Variants in KIF18B observed in about 807,000 individuals in gnomAD.
KIF18B encodes the protein kinesin family member 18B.
A neutral mutation model predicts 80.9 loss-of-function variants in KIF18B; 49 were observed. That is an observed-to-expected ratio of 0.61 (90% CI 0.48 to 0.77). KIF18B has a LOEUF of 0.77. Ranked by LOEUF, KIF18B falls within the 30% of genes least tolerant of loss-of-function variation. The pLI, the probability that KIF18B is intolerant of heterozygous loss-of-function variation, is 0.00. For synonymous variants in KIF18B, 439 were observed against 463.9 expected (o/e 0.95, Z 0.69); for missense variants, 994 against 1,127.7 (o/e 0.88, Z 1.70).
intron 9 of KIF18B, 198 bp from the exon 10 acceptor site, chr17:44,932,404 C>G: frequency 1.6e-6 from 1 of 624,190 alleles, no homozygotes; most frequent in East Asian, 2.8e-5. Flanking sequence ...CAGGGATTTT[C>G]TGGTTTGAGA....
In KIF18B at chr17:44,935,354, G is replaced by C; in HGVS notation, c.376C>G (p.Pro126Ala). Residue 126 changes from proline to alanine, a missense_variant, in exon 3 of 16, where the codon CCC becomes GCC. By Grantham distance (27) the Pro-to-Ala change is conservative. Transcript: ENST00000593135. ...ACGGTGGTCAGGTACATGATGCCGG[G>C]GTCCCCCTCCCTTCCCAGCATGGTG... ...THTMLGREGD[P>A]GIMYLTTVEL... The C allele has an allele frequency of 6.2e-7, 1 of 1,613,072 alleles. No homozygotes were observed. The highest frequency in any genetic ancestry group is 8.5e-7 in the Non-Finnish European group (1 of 1,179,424).
At chr17:44,933,813 G>C (rs1307997138) in intron 7 of KIF18B, 110 bp downstream of exon 7, 2 of 1,098,904 alleles carry the variant, frequency 1.8e-6, no homozygotes, top group African/African-American at 1.6e-5. Flanking sequence ...TCCTTCCTCT[G>C]CCTTGGGGAC....
At chr17:44,930,148 C>T (rs549569061) in intron 11 of KIF18B, among the ~76,000 whole-genome samples, 1 of 152,272 alleles carries the variant, frequency 6.6e-6, no homozygotes, top group African/African-American at 2.4e-5. Flanking sequence ...AAAATGGACA[C>T]AGAGGAAACT....
chr17:44,927,100 G>A lies in KIF18B; in HGVS notation c.2277-22C>T. 1 of 1,579,988 alleles carries A rather than the reference G, an allele frequency of 6.3e-7. No individual in the cohort carries two copies. Among genetic ancestry groups the A allele is most frequent in the Non-Finnish European group, 8.6e-7 (1 of 1,158,148 alleles). ...TGCCCTGGGGAGGGAGGACAGGGAA[G>A]GAGGCTGATCAGCAGGGAACCGGAA... On this transcript the variant is annotated intron_variant, in intron 13 of 15. Coordinates refer to ENST00000593135, the MANE Select transcript of KIF18B (RefSeq NM_001265577.2). This position sits in a 1 kb window ranked among gnomAD's most constrained non-coding sequence, Gnocchi z 4.1.
At position 44,925,937 on chromosome 17, in the gene KIF18B, C is replaced by T. The variant is rs986059809; in HGVS notation, c.*143G>A. On this transcript the variant is annotated 3_prime_UTR_variant, in exon 16 of 16. Transcript: ENST00000593135. Reference sequence around the variant, plus strand: ...GGATGTCTGGGGAGGGATGTTAATACAGCAAAGGTGTGTTGGCACTAATTG... The same window carrying T: ...GGATGTCTGGGGAGGGATGTTAATATAGCAAAGGTGTGTTGGCACTAATTG... 3 of 759,476 alleles carry T rather than the reference C, an allele frequency of 4.0e-6. No individual in the cohort carries two copies. The highest frequency in any genetic ancestry group is 2.3e-5 in the Admixed American group (1 of 42,922). 47.0% of individuals were successfully genotyped at this position (759,476 alleles called of 1,614,324 possible).
chr17:44,930,649 A>C (rs2052125775), intron 11 of KIF18B, among the ~76,000 whole-genome samples: 1 of 152,194 alleles, frequency 6.6e-6, no homozygotes, highest in Admixed American at 6.5e-5. Context: ...TCCCCAGTCA[A>C]GGCCAAGGTT....
rs373457511 is a variant in KIF18B at position 44,928,906 on chromosome 17, C to T, written c.1636G>A (p.Glu546Lys). ...GCCTCTGCCCCAGGCTCAATTTTTTCCTCTTGCACCAGCTGCTGTAGGGTC... is the reference window on the plus strand; with the variant it reads ...GCCTCTGCCCCAGGCTCAATTTTTTTCTCTTGCACCAGCTGCTGTAGGGTC... ...FETLQQLVQE[E>K]KIEPGAEALR... The change falls in exon 12 of 16, where the codon GAA (glutamate) becomes AAA (lysine). Residue 546 changes from glutamate to lysine, a missense_variant. By Grantham distance (56) the Glu-to-Lys change is moderately conservative. Coordinates refer to ENST00000593135, the MANE Select transcript of KIF18B (RefSeq NM_001265577.2). The T allele has an allele frequency of 6.2e-7, 1 of 1,613,952 alleles. No individual in the cohort carries two copies. Among genetic ancestry groups the T allele is most frequent in the East Asian group, 2.2e-5 (1 of 44,878 alleles).
At chr17:44,937,448 C>T (rs1432932946) in intron 1 of KIF18B, among the ~76,000 whole-genome samples, 4 of 152,056 alleles carry the variant, frequency 2.6e-5, no homozygotes, top group Admixed American at 2.6e-4. Flanking sequence ...AGTTTTCTAT[C>T]TCTTCAGTTA....
At position 44,935,410 on chromosome 17, in the gene KIF18B, G is replaced by A; in HGVS notation, c.320C>T (p.Ala107Val). The A allele has an allele frequency of 6.2e-7, 1 of 1,607,884 alleles. No individual in the cohort carries two copies. Among genetic ancestry groups the A allele is most frequent in the Non-Finnish European group, 8.5e-7 (1 of 1,176,676 alleles). The change falls in exon 3 of 16, where the codon GCC (alanine) becomes GTC (valine). Residue 107 changes from alanine (A) to valine (V), a missense_variant. Coordinates refer to ENST00000593135, the MANE Select transcript of KIF18B (RefSeq NM_001265577.2). ...CTTCCCAGCCCCGGTGGCCCCGTAGGCAAACACTGCAGAGGACATAGTAAG... is the reference window on the plus strand; with the variant it reads ...CTTCCCAGCCCCGGTGGCCCCGTAGACAAACACTGCAGAGGACATAGTAAG... ...FLQGYNCSVF[A>V]YGATGAGKTH...
chr17:44,945,236 T>A (rs1171117716), intron 1 of KIF18B, among the ~76,000 whole-genome samples: 1 of 152,178 alleles, frequency 6.6e-6, no homozygotes, highest in African/African-American at 2.4e-5. Context: ...AATTTTAAAT[T>A]TTTTTATAGA....
At chr17:44,936,618 ATATATATTTTTTTTTTTTTTTTTTTTTT>A (rs1387972258) in intron 1 of KIF18B, among the ~76,000 whole-genome samples, 17 of 72,756 alleles carry the variant, frequency 2.3e-4, no homozygotes, top group Admixed American at 3.7e-4. Flanking sequence ...ATATATATAT[ATATATATTTTTTTTTTTTTTTTTTTTTT>A]TTTTTTTTTT....
intron 11 of KIF18B, 127 bp downstream of exon 11, chr17:44,931,475 A>G (rs1334032503): frequency 7.3e-6 from 9 of 1,234,400 alleles, no homozygotes; most frequent in South Asian, 1.2e-5. Context: ...AGGTGAAACC[A>G]GGTAAAGGAC....
In KIF18B at chr17:44,928,509, C is replaced by T; in HGVS notation, c.1793G>A (p.Arg598Lys). The T allele has an allele frequency of 2.0e-6, 3 of 1,491,920 alleles. No individual in the cohort carries two copies. Among genetic ancestry groups the T allele is most frequent in the African/African-American group, 1.4e-5 (1 of 71,638 alleles). 92.4% of individuals were successfully genotyped at this position (1,491,920 alleles called of 1,614,324 possible). ...GGTGTGCAGGGGGCCACTCAGTCGC[C>T]TCGCCATAGTCCGGGTCACAGGGCC... ...YTGPVTRTMA[R>K]RLSGPLHTLG... The change falls in exon 13 of 16, where the codon AGG (arginine) becomes AAG (lysine). Residue 598 changes from arginine (R) to lysine (K), a missense_variant. Physicochemically the swap from Arg to Lys is conservative, Grantham distance 26 (BLOSUM62 2). Coordinates refer to ENST00000593135, the MANE Select transcript of KIF18B (RefSeq NM_001265577.2).
At chr17:44,932,274 A>T (rs1340687185) in intron 9 of KIF18B, 68 bp from the exon 10 acceptor site, 1 of 1,506,164 alleles carries the variant, frequency 6.6e-7, no homozygotes, top group Non-Finnish European at 8.9e-7. Context: ...GAGAGGCAGG[A>T]TGTGGGCCAG....
chr17:44,931,513 T>C, intron 11 of KIF18B, 89 bp downstream of exon 11: 1 of 1,557,526 alleles, frequency 6.4e-7, no homozygotes. Context: ...AGGGCTTTTG[T>C]GATGTGCTTA....
intron 1 of KIF18B, among the ~76,000 whole-genome samples, chr17:44,938,653 A>G (rs937360901): frequency 1.1e-4 from 16 of 151,926 alleles, no homozygotes; most frequent in Non-Finnish European, 4.4e-5. Flanking sequence ...TTTCTTTCTA[A>G]TTGGTAAGCA....
rs778984765 is a variant in KIF18B at position 44,932,713 on chromosome 17, C to T, written c.1198G>A (p.Asp400Asn). Residue 400 changes from aspartate (D) to asparagine (N), a missense_variant, in exon 9 of 16, where the codon GAC becomes AAC. Asp to Asn is a conservative substitution (Grantham distance 23). Transcript: ENST00000593135. The part of the protein sequence containing the change: ...YEGGGQPPPQ[D>N]LPGSPKSGPP... ...CCCGACTTGGGAGATCCTGGGAGGT[C>T]CTGTGGTGGGGGCTGGCCTCCCCCC... 10 of 1,612,802 alleles carry T rather than the reference C, an allele frequency of 6.2e-6. No individual in the cohort carries two copies. Among genetic ancestry groups the T allele is most frequent in the African/African-American group, 1.3e-5 (1 of 74,864 alleles).
chr17:44,928,128 T>C lies in KIF18B; in HGVS notation c.2174A>G (p.Asp725Gly). The change falls in exon 13 of 16, where the codon GAT (aspartate) becomes GGT (glycine). Residue 725 changes from aspartate to glycine, a missense_variant. Asp to Gly is a moderately conservative substitution (Grantham distance 94, BLOSUM62 -1). Coordinates refer to ENST00000593135, the MANE Select transcript of KIF18B (RefSeq NM_001265577.2). ...CTTTGAGGGAGGCTCCTCAGAGAGA[T>C]CAAAGGTGGCATTGAGGTCTCGAGT... ...LPTRDLNATF[D>G]LSEEPPSKPS... is the part of the protein sequence containing the mutation. The C allele has an allele frequency of 6.2e-7, 1 of 1,603,296 alleles. No homozygotes were observed. Among genetic ancestry groups the C allele is most frequent in the Non-Finnish European group, 8.5e-7 (1 of 1,175,118 alleles).
At position 44,927,051 on chromosome 17, in the gene KIF18B, C is replaced by T; in HGVS notation, c.2304G>A (p.Lys768=). 1 of 1,612,430 alleles carries T rather than the reference C, an allele frequency of 6.2e-7. No individual in the cohort carries two copies. The highest frequency in any genetic ancestry group is 8.5e-7 in the Non-Finnish European group (1 of 1,179,254). Residue 768 remains lysine (K), a synonymous_variant, in exon 14 of 16, where the codon AAG becomes AAA. Transcript: ENST00000593135. The surrounding 1 kb of genome is among the most constrained non-coding windows in gnomAD (Gnocchi z 4.1). ...GGAGGGAAGATGTTGGCTTGGGGCCCTTCATGGTGAACAGGGGCACAGGTG... is the reference window on the plus strand; with the variant it reads ...GGAGGGAAGATGTTGGCTTGGGGCCTTTCATGGTGAACAGGGGCACAGGTG... ...PRAPVPLFTM[K]GPKPTSSLPG...
Sources: allele counts gnomAD v4.1 joint callset (sites outside exome capture counted in the v4.1 genomes callset), GRCh38; gene constraint gnomAD v4.1.1; non-coding constraint Gnocchi (gnomAD v3.1); transcripts MANE v1.5; gene names NCBI Gene and HGNC (gene_info 2026-07-23, HGNC 2026-07-21).